Variants in SYT1 observed in about 807,000 individuals in gnomAD.
The protein encoded by SYT1 is synaptotagmin-1.
SYT1 carries 8 observed loss-of-function variants against 44.8 expected under a neutral mutation model. That is an observed-to-expected ratio of 0.18 (90% CI 0.10 to 0.32). The LOEUF is 0.32. SYT1 is among the 10% of genes least tolerant of loss of function. SYT1 has a pLI of 1.00. For synonymous variants in SYT1, 154 were observed against 188.8 expected, an observed-to-expected ratio of 0.82 and a Z score of 1.51; for missense variants, 286 against 509.3, an observed-to-expected ratio of 0.56 and a Z score of 4.22.
chr12:78,900,525 C>T (rs1875601438), intron 1 of SYT1, among the ~76,000 whole-genome samples: 2 of 151,640 alleles, frequency 1.3e-5, no homozygotes, highest in African/African-American at 2.4e-5. Context: ...ATTGTGAGTC[C>T]TATTCTCTAG....
intron 3 of SYT1, among the ~76,000 whole-genome samples, chr12:79,060,643 A>G (rs1875313864): frequency 6.6e-6 from 1 of 152,102 alleles, no homozygotes; most frequent in Non-Finnish European, 1.5e-5. Context: ...CATGTGTCAA[A>G]ATTTTCTTCC....
At chr12:79,059,869 A>G (rs1043982106) in intron 3 of SYT1, among the ~76,000 whole-genome samples, 5 of 152,206 alleles carry the variant, frequency 3.3e-5, no homozygotes, top group Non-Finnish European at 7.4e-5. Context: ...TCATATCTAT[A>G]TTTCATAAAT....
At chr12:79,354,894 A>G (rs944654053) in intron 9 of SYT1, among the ~76,000 whole-genome samples, 2 of 152,176 alleles carry the variant, frequency 1.3e-5, no homozygotes, top group Admixed American at 1.3e-4. Flanking sequence ...GCCAACTATC[A>G]TGACATGATT....
chr12:79,052,802 A>G (rs931789920), intron 3 of SYT1, among the ~76,000 whole-genome samples: 30 of 152,034 alleles, frequency 2.0e-4, no homozygotes, highest in Non-Finnish European at 4.1e-4. Flanking sequence ...CAAAACCACA[A>G]TGAGATACCA....
intron 3 of SYT1, among the ~76,000 whole-genome samples, chr12:79,073,596 A>ACAG (rs1876433995): frequency 1.3e-5 from 2 of 152,104 alleles, no homozygotes; most frequent in South Asian, 4.1e-4. Flanking sequence ...GGCTAGAAGG[A>ACAG]CAGCAGGTGA....
chr12:78,933,420 TAA>T (rs1877864321), intron 1 of SYT1, among the ~76,000 whole-genome samples: 1 of 152,184 alleles, frequency 6.6e-6, no homozygotes, highest in South Asian at 2.1e-4. Flanking sequence ...ATTATCAATA[TAA>T]GAGTAACCCA....
intron 3 of SYT1, among the ~76,000 whole-genome samples, chr12:79,141,229 C>T (rs950816859): frequency 1.3e-5 from 2 of 152,096 alleles, no homozygotes; most frequent in African/African-American, 4.8e-5. Context: ...TAAATTCAGT[C>T]TATACATTGG....
intron 8 of SYT1, among the ~76,000 whole-genome samples, chr12:79,317,111 T>TG (rs928510730): frequency 6.6e-6 from 1 of 152,168 alleles, no homozygotes; most frequent in African/African-American, 2.4e-5. Flanking sequence ...CACTATTTTA[T>TG]GGGGGGAAAA....
chr12:78,978,130 A>G (rs943845412), intron 2 of SYT1, among the ~76,000 whole-genome samples, 199 bp downstream of exon 2: 3 of 152,194 alleles, frequency 2.0e-5, no homozygotes, highest in Non-Finnish European at 2.9e-5. Flanking sequence ...TGAAATTATT[A>G]CTATTATTAA....
At chr12:79,111,670 A>G (rs1879018857) in intron 3 of SYT1, among the ~76,000 whole-genome samples, 1 of 151,874 alleles carries the variant, frequency 6.6e-6, no homozygotes, top group Admixed American at 6.6e-5. Context: ...CCCTATGGTG[A>G]GTATTTAAAT....
intron 1 of SYT1, among the ~76,000 whole-genome samples, chr12:78,917,191 G>A (rs1287270788): frequency 6.6e-6 from 1 of 151,836 alleles, no homozygotes; most frequent in African/African-American, 2.4e-5. Context: ...AATCCCTTGT[G>A]GCTACACAGA....
At chr12:79,357,447 G>A (rs1883155906) in intron 9 of SYT1, among the ~76,000 whole-genome samples, 1 of 152,190 alleles carries the variant, frequency 6.6e-6, no homozygotes, top group Non-Finnish European at 1.5e-5. Context: ...AACCTAGATG[G>A]TGCAGCCTGC....
chr12:79,175,467 C>T (rs1414159732), intron 3 of SYT1, among the ~76,000 whole-genome samples: 3 of 152,058 alleles, frequency 2.0e-5, no homozygotes, highest in African/African-American at 7.2e-5. Context: ...CTGCCATTAG[C>T]AAGGACCCTT....
At chr12:78,975,898 A>T (rs1290522029) in intron 1 of SYT1, among the ~76,000 whole-genome samples, 2 of 152,204 alleles carry the variant, frequency 1.3e-5, no homozygotes, top group Non-Finnish European at 2.9e-5. Context: ...TTCAATTATG[A>T]AAAATCACAA....
intron 2 of SYT1, chr12:79,045,709 A>C (rs1873995888): frequency 1.3e-5 from 2 of 152,210 alleles, no homozygotes; most frequent in Non-Finnish European, 2.9e-5. Context: ...TTGCCCATTC[A>C]TCCTTGTGAT....
chr12:78,985,186 T>C (rs1869553460), intron 2 of SYT1, among the ~76,000 whole-genome samples: 1 of 152,006 alleles, frequency 6.6e-6, no homozygotes, highest in African/African-American at 2.4e-5. Flanking sequence ...AAAATCATAA[T>C]ACAGTTCTGT....
intron 2 of SYT1, among the ~76,000 whole-genome samples, chr12:79,025,893 AT>A (rs1872501739): frequency 6.6e-6 from 1 of 151,570 alleles, no homozygotes; most frequent in Admixed American, 6.6e-5. Context: ...ATGTGTTTTG[AT>A]TTTGCTAAAT....
At chr12:78,991,165 T>C (rs1331426898) in intron 2 of SYT1, among the ~76,000 whole-genome samples, 1 of 152,154 alleles carries the variant, frequency 6.6e-6, no homozygotes, top group Non-Finnish European at 1.5e-5. Flanking sequence ...CACTTGGATA[T>C]ATATCCTAAG....
intron 3 of SYT1, among the ~76,000 whole-genome samples, chr12:79,078,243 A>G (rs1876794653): frequency 2.0e-5 from 3 of 152,136 alleles, no homozygotes; most frequent in Admixed American, 2.0e-4. Context: ...TTGGGAGCTG[A>G]GCGTGCCTTC....
Sources: gnomAD v4.1 joint callset for allele counts (sites outside exome capture counted in the v4.1 genomes callset) on GRCh38, gnomAD v4.1.1 for gene constraint, MANE v1.5 for transcripts, NCBI Gene and HGNC (gene_info 2026-07-23, HGNC 2026-07-21) for gene names.